The following BRD1 variants were observed in gnomAD, a reference collection of about 807,000 sequenced individuals.
BRD1 encodes the protein bromodomain-containing protein 1.
BRD1 carries 24 observed loss-of-function variants against 107.7 expected under a neutral mutation model. The ratio of observed to expected loss-of-function variants is 0.22; its 90% confidence interval spans 0.16 to 0.31. BRD1 has a LOEUF of 0.31. BRD1 is among the 10% of genes least tolerant of loss of function. The pLI is 1.00. For missense variants in BRD1, 1,279 were observed against 1,638.6 expected (o/e 0.78, Z 3.79); for synonymous variants, 744 against 686.1 (o/e 1.08, Z -1.32).
At chr22:49,818,198 G>A (rs1308125050) in intron 2 of BRD1, 1 of 1,117,396 alleles carries the variant, frequency 8.9e-7, no homozygotes, top group Non-Finnish European at 1.1e-6. Context: ...GAAGGTAGGA[G>A]GAGCACCCAT....
At chr22:49,787,249 T>C in intron 8 of BRD1, 141 bp downstream of exon 8, 1 of 1,180,078 alleles carries the variant, frequency 8.5e-7, no homozygotes, top group Non-Finnish European at 1.2e-6. Flanking sequence ...AACACTGCAC[T>C]GTTGTCTTCT....
chr22:49,812,681 C>T lies in BRD1; in HGVS notation c.1368-8321G>A, dbSNP rs17001319. Among the ~76,000 whole-genome samples, 1,216 of 152,362 alleles carry T rather than the reference C, an allele frequency of 8.0e-3. 21 individuals are homozygous for T. Among genetic ancestry groups the T allele is most frequent in the African/African-American group, 0.027 (1,142 of 41,576 alleles). ...AGAGTCCAAGCTTCCTAAAGGAACA[C>T]TAATGTCGGGAGGACTCTAACCAGA... On this transcript the variant is annotated intron_variant, in intron 2 of 12. Transcript: ENST00000404760.
At chr22:49,781,569 G>A (rs1240470528) in intron 8 of BRD1, among the ~76,000 whole-genome samples, 1 of 152,254 alleles carries the variant, frequency 6.6e-6, no homozygotes, top group Non-Finnish European at 1.5e-5. Context: ...ACGGAGCCAT[G>A]GGAACGCAAC....
chr22:49,817,493 G>C (rs1315301749), intron 2 of BRD1: 1 of 154,250 alleles, frequency 6.5e-6, no homozygotes, highest in Non-Finnish European at 1.5e-5. Context: ...CAAACAATCA[G>C]CTGGTGCAGC....
At position 49,798,579 on chromosome 22, in the gene BRD1, C is replaced by T. The variant is rs149829026; in HGVS notation, c.1764G>A (p.Ala588=). 1.5e-4 allele frequency: 238 copies of T among 1,614,206 alleles called. 1 individual carries two copies. In the South Asian group the frequency reaches 1.7e-3, roughly 11 times the overall value. ...CCACCTCCTTCAGACTCACGGGCTGCGCAAATATCCTGGCGGGGTCCTTGT... is the reference window on the plus strand; with the variant it reads ...CCACCTCCTTCAGACTCACGGGCTGTGCAAATATCCTGGCGGGGTCCTTGT... ...LQDKDPARIF[A]QPVSLKEVPD... The change falls in exon 5 of 13, where the codon GCG becomes GCA. Residue 588 remains alanine (A), a synonymous_variant. Transcript: ENST00000404760.
chr22:49,826,685 C>T (rs2060151610), intron 1 of BRD1, among the ~76,000 whole-genome samples: 2 of 152,224 alleles, frequency 1.3e-5, no homozygotes, highest in Admixed American at 6.5e-5. Flanking sequence ...GCACACAGCA[C>T]TCGGGACGGC....
chr22:49,785,775 AC>A (rs1165005502), intron 8 of BRD1, among the ~76,000 whole-genome samples: 1 of 152,280 alleles, frequency 6.6e-6, no homozygotes, highest in African/African-American at 2.4e-5. Context: ...AAATTTTCAT[AC>A]AAATCAAAAT....
intron 6 of BRD1, among the ~76,000 whole-genome samples, chr22:49,796,998 C>T (rs562152264): frequency 9.8e-4 from 149 of 152,322 alleles, no homozygotes; most frequent in Non-Finnish European, 1.8e-3. Flanking sequence ...CCAAACACAC[C>T]GTGATTTCTG....
At chr22:49,790,780 A>G (rs1313796904) in intron 7 of BRD1, among the ~76,000 whole-genome samples, 1 of 151,942 alleles carries the variant, frequency 6.6e-6, no homozygotes, top group Non-Finnish European at 1.5e-5. Flanking sequence ...AAAGCTGCGT[A>G]CTCCGCACCT....
At chr22:49,779,772 C>G (rs1410249498) in intron 8 of BRD1, among the ~76,000 whole-genome samples, 1 of 152,018 alleles carries the variant, frequency 6.6e-6, no homozygotes, top group Non-Finnish European at 1.5e-5. Context: ...TCAGGAGCAG[C>G]GACTCCATCC....
intron 2 of BRD1, 25 bp downstream of exon 2, chr22:49,822,926 G>A: frequency 6.2e-7 from 1 of 1,609,108 alleles, no homozygotes; most frequent in Non-Finnish European, 8.5e-7. Context: ...GGCTCCTTGT[G>A]GACTCAATGC....
At chr22:49,789,704 C>A (rs2059396733) in intron 7 of BRD1, among the ~76,000 whole-genome samples, 1 of 152,214 alleles carries the variant, frequency 6.6e-6, no homozygotes, top group Non-Finnish European at 1.5e-5. Flanking sequence ...CCCACCTTCT[C>A]CACAGCTATC....
chr22:49,794,050 C>T lies in BRD1; in HGVS notation c.2343G>A (p.Pro781=), dbSNP rs1390458107. ...GTGGCTTACCTTCCTCGCCCGCCTCCGGCCCCAGCGCAGCTCCGTCCTCTT... is the reference window on the plus strand; with the variant it reads ...GTGGCTTACCTTCCTCGCCCGCCTCTGGCCCCAGCGCAGCTCCGTCCTCTT... ...GFEEDGAALG[P]EAGEEGDKSP... The change falls in exon 7 of 13, where the codon CCG becomes CCA. Residue 781 remains proline, a synonymous_variant. Coordinates refer to ENST00000404760, the MANE Select transcript of BRD1 (RefSeq NM_001304808.3). The T allele has an allele frequency of 1.9e-6, 3 of 1,612,980 alleles. No individual in the cohort carries two copies. The Admixed American group carries it at 5.0e-5, about 27-fold the overall frequency.
chr22:49,825,393 C>A (rs1435299635), intron 1 of BRD1, among the ~76,000 whole-genome samples: 1 of 152,134 alleles, frequency 6.6e-6, no homozygotes, highest in African/African-American at 2.4e-5. Flanking sequence ...TCTGCTTTTC[C>A]AGAGGTAGGC....
Position 49,824,068 on chromosome 22 carries a change from G to A in BRD1, c.250C>T (p.Pro84Ser). 6.2e-7 allele frequency: 1 copy of A among 1,613,982 alleles called. No homozygotes were observed. Among genetic ancestry groups the A allele is most frequent in the African/African-American group, 1.3e-5 (1 of 75,044 alleles). Reference protein sequence around the residue: ...NSNKENSERPPVCLRTKRHKN... With the variant: ...NSNKENSERPSVCLRTKRHKN... The stretch of plus-strand genomic sequence containing the variant: ...TGACGCTTAGTTCTTAAGCAGACAG[G>A]AGGCCGCTCGCTGTTTTCCTTGTTG... Residue 84 changes from proline to serine, a missense_variant, in exon 2 of 13, where the codon CCT (proline) becomes TCT (serine). Transcript: ENST00000404760. The surrounding 1 kb of genome is among the most constrained non-coding windows in gnomAD (Gnocchi z 5.9).
At position 49,794,044 on chromosome 22, in the gene BRD1, C is replaced by T. The variant is rs749519370; in HGVS notation, c.2349G>A (p.Ala783=). 31 of 1,611,402 alleles carry T rather than the reference C, an allele frequency of 1.9e-5. No individual in the cohort carries two copies. Among genetic ancestry groups the T allele is most frequent in the South Asian group, 1.5e-4 (14 of 90,968 alleles). ...EEDGAALGPE[A]GEEGDKSPPK... is the part of the protein sequence containing the mutation. The stretch of plus-strand genomic sequence containing the variant: ...CTCACCGTGGCTTACCTTCCTCGCC[C>T]GCCTCCGGCCCCAGCGCAGCTCCGT... The change falls in exon 7 of 13, where the codon GCG becomes GCA. Residue 783 remains alanine (A), a synonymous_variant. Coordinates refer to ENST00000404760, the MANE Select transcript of BRD1 (RefSeq NM_001304808.3).
Position 49,774,214 on chromosome 22 carries a change from CGCGCTGGCG to C in BRD1, c.*10_*18del. 1 of 1,609,042 alleles carries C rather than the reference CGCGCTGGCG, an allele frequency of 6.2e-7. No individual in the cohort carries two copies. Among genetic ancestry groups the C allele is most frequent in the Non-Finnish European group, 8.5e-7 (1 of 1,176,948 alleles). On this transcript the variant is annotated 3_prime_UTR_variant, in exon 13 of 13. Coordinates refer to ENST00000404760, the MANE Select transcript of BRD1 (RefSeq NM_001304808.3). Reference sequence around the variant, plus strand: ...GCTTATCAACACTATGGACAAGACCCGCGCTGGCGGCCGGGCCGTCAGTCAATGTCACTG... The same window carrying C: ...GCTTATCAACACTATGGACAAGACCCGCCGGGCCGTCAGTCAATGTCACTG...
Position 49,775,745 on chromosome 22 carries a change from T to C in BRD1, c.3232A>G (p.Ile1078Val). The C allele has an allele frequency of 6.3e-7, 1 of 1,591,406 alleles. No individual in the cohort carries two copies. The highest frequency in any genetic ancestry group is 8.5e-7 in the Non-Finnish European group (1 of 1,172,490). ...CSGYPSYPAL[I>V]IDPKMPRVPG... is the part of the protein sequence containing the mutation. ...ACACGGGGCATCTTGGGGTCGATGA[T>C]CTGCACGAGAAGGACCCGCTGAGGT... The change falls in exon 12 of 13, where the codon ATC (isoleucine) becomes GTC (valine). Residue 1078 changes from isoleucine to valine, a missense_variant and splice_region_variant. This residue lies in a region of BRD1 where 136 missense variants were observed against 196.8 expected (regional missense o/e 0.69). Transcript: ENST00000404760.
At chr22:49,800,548 G>A (rs942551298) in intron 3 of BRD1, among the ~76,000 whole-genome samples, 1 of 152,162 alleles carries the variant, frequency 6.6e-6, no homozygotes, top group Non-Finnish European at 1.5e-5. Context: ...CTGTTACGAA[G>A]CGGAAGAAAT....
Sources: gnomAD v4.1 joint callset for allele counts (sites outside exome capture counted in the v4.1 genomes callset) on GRCh38, gnomAD v4.1.1 for gene constraint, gnomAD v4.1.1 regional missense constraint, Gnocchi (gnomAD v3.1) non-coding constraint, MANE v1.5 for transcripts, NCBI Gene and HGNC (gene_info 2026-07-23, HGNC 2026-07-21) for gene names.